The following LMNTD1 variants were observed in gnomAD, a reference collection of about 807,000 sequenced individuals.
LMNTD1 encodes the protein lamin tail domain-containing protein 1.
Under a neutral mutation model 50.9 loss-of-function variants are expected in LMNTD1, and 35 were observed. The observed-to-expected ratio is 0.69, with a 90% confidence interval of 0.53 to 0.91. The LOEUF (loss-of-function observed/expected upper bound fraction) is 0.91. Ranked by LOEUF, LMNTD1 falls within the 40% of genes least tolerant of loss-of-function variation. LMNTD1 has a pLI of 0.00. For synonymous variants in LMNTD1, 153 were observed against 161.9 expected (o/e 0.94, Z 0.42); for missense variants, 470 against 475.5 (o/e 0.99, Z 0.11).
At chr12:25,621,140 A>G (rs1946465655) in intron 1 of LMNTD1, among the ~76,000 whole-genome samples, 1 of 152,252 alleles carries the variant, frequency 6.6e-6, no homozygotes, top group African/African-American at 2.4e-5. Flanking sequence ...CCAAGGGCCT[A>G]GAACAGTGCC....
At chr12:25,505,394 A>G (rs1049885587) in intron 8 of LMNTD1, among the ~76,000 whole-genome samples, 3 of 152,176 alleles carry the variant, frequency 2.0e-5, no homozygotes, top group African/African-American at 7.2e-5. Flanking sequence ...TCTGGTCATA[A>G]TGTTACCTAA....
chr12:25,494,714 AATAGT>A (rs1042317564), intron 9 of LMNTD1, among the ~76,000 whole-genome samples: 3 of 152,194 alleles, frequency 2.0e-5, no homozygotes, highest in Non-Finnish European at 4.4e-5. Flanking sequence ...GAAAAATAAA[AATAGT>A]AAATATTTAC....
At chr12:25,544,361 T>C (rs1392943544) in intron 4 of LMNTD1, among the ~76,000 whole-genome samples, 1 of 57,334 alleles carries the variant, frequency 1.7e-5, no homozygotes, top group Non-Finnish European at 5.2e-5. Flanking sequence ...TTGTAGTCTA[T>C]TTTATCTAAG....
intron 1 of LMNTD1, among the ~76,000 whole-genome samples, chr12:25,584,265 C>T (rs1945432549): frequency 1.3e-5 from 2 of 152,074 alleles, no homozygotes; most frequent in South Asian, 4.2e-4. Flanking sequence ...TCACTTAAAG[C>T]ACAATTGAAA....
rs139353635 is a variant in LMNTD1, at chr12:25,642,283, C to T, written c.58+6211G>A. Among the ~76,000 whole-genome samples, 624 of 152,218 alleles carry T rather than the reference C, an allele frequency of 4.1e-3. 1 individual carries two copies. Among genetic ancestry groups the T allele is most frequent in the African/African-American group, 0.014 (579 of 41,528 alleles). On this transcript the variant is annotated intron_variant, in intron 1 of 7. Transcript: ENST00000445693. Reference sequence around the variant, plus strand: ...TGAGGGTATCTGAAGGTGGAACCTTCGGAGGGTAATTAGGTTTAAATAAGG... The same window carrying T: ...TGAGGGTATCTGAAGGTGGAACCTTTGGAGGGTAATTAGGTTTAAATAAGG...
chr12:25,546,482 AG>A lies in LMNTD1; in HGVS notation c.382del (p.Leu128PhefsTer21). The A allele has an allele frequency of 1.2e-6, 2 of 1,602,192 alleles. No individual in the cohort carries two copies. The highest frequency in any genetic ancestry group is 1.7e-6 in the Non-Finnish European group (2 of 1,172,924). On this transcript the variant is annotated frameshift_variant, in exon 4 of 10. Coordinates refer to ENST00000458174, the MANE Select transcript of LMNTD1 (RefSeq NM_001145728.2). LOFTEE classifies it high-confidence loss of function. Reference sequence around the variant, plus strand: ...TTTCTTTGAATCACCAAACAAAGAAAGGAAATAATCTTCTCCATCCCCAATC... The same window carrying A: ...TTTCTTTGAATCACCAAACAAAGAAAGAAATAATCTTCTCCATCCCCAATC... ...PMIGDGEDYFLSLFGDSKKLT... is the reference protein window; with the variant it reads ...PMIGDGEDYFXSLFGDSKKLT...
chr12:25,590,749 A>G (rs1444828962), intron 1 of LMNTD1, among the ~76,000 whole-genome samples: 1 of 152,160 alleles, frequency 6.6e-6, no homozygotes, highest in Non-Finnish European at 1.5e-5. Context: ...TCAGCCCACA[A>G]CAGGATAGAG....
intron 1 of LMNTD1, among the ~76,000 whole-genome samples, chr12:25,583,202 TA>T (rs1219769718): frequency 6.7e-6 from 1 of 148,890 alleles, no homozygotes; most frequent in Non-Finnish European, 1.5e-5. Flanking sequence ...TTTTTTTTTG[TA>T]TTTTTAGTAG....
At chr12:25,489,517 G>A (rs1198688058) in intron 9 of LMNTD1, among the ~76,000 whole-genome samples, 1 of 138,582 alleles carries the variant, frequency 7.2e-6, no homozygotes, top group Non-Finnish European at 1.6e-5. Flanking sequence ...GCTGACCTGC[G>A]CCCACTGTCT....
intron 1 of LMNTD1, among the ~76,000 whole-genome samples, chr12:25,598,213 A>T (rs893206461): frequency 2.0e-5 from 3 of 152,270 alleles, no homozygotes; most frequent in Non-Finnish European, 4.4e-5. Flanking sequence ...CAGCATGAGA[A>T]CAGAATAATA....
chr12:25,556,529 A>G (rs1944050192), upstream of LMNTD1, among the ~76,000 whole-genome samples: 1 of 152,150 alleles, frequency 6.6e-6, no homozygotes, highest in African/African-American at 2.4e-5. Context: ...TTCCTGAACC[A>G]GCTTCATCCT....
intron 1 of LMNTD1, among the ~76,000 whole-genome samples, chr12:25,577,187 T>C (rs1484079138): frequency 6.6e-6 from 1 of 152,316 alleles, no homozygotes; most frequent in East Asian, 1.9e-4. Flanking sequence ...TCTTTATTGG[T>C]TCCATATGAA....
intron 3 of LMNTD1, 94 bp downstream of exon 3, chr12:25,549,232 T>C (rs1442921611): frequency 1.4e-5 from 9 of 659,420 alleles, no homozygotes; most frequent in African/African-American, 1.1e-4. Flanking sequence ...GGAGTAATAA[T>C]AAAACATCAT....
chr12:25,483,665 A>G (rs6487490), intron 9 of LMNTD1, among the ~76,000 whole-genome samples: 28,372 of 151,574 alleles, frequency 0.19, 2,986 homozygotes, highest in Middle Eastern at 0.24. Flanking sequence ...CCAGCTACTC[A>G]AGAGGCTGAG....
intron 8 of LMNTD1, among the ~76,000 whole-genome samples, chr12:25,512,165 C>T (rs1214037099): frequency 6.6e-6 from 1 of 152,160 alleles, no homozygotes; most frequent in Admixed American, 6.5e-5. Flanking sequence ...TCAGTATTGT[C>T]TTTTGCAACA....
At chr12:25,571,327 T>C (rs897536522) in intron 1 of LMNTD1, among the ~76,000 whole-genome samples, 19 of 149,574 alleles carry the variant, frequency 1.3e-4, no homozygotes, top group Non-Finnish European at 4.4e-5. Context: ...ATTTCTTTTT[T>C]CAAAAAAGTA....
chr12:25,482,357 T>A (rs927487788), intron 9 of LMNTD1, among the ~76,000 whole-genome samples: 1 of 152,018 alleles, frequency 6.6e-6, no homozygotes, highest in Non-Finnish European at 1.5e-5. Context: ...TTTATAGTTG[T>A]CAGAGACAGT....
intron 1 of LMNTD1, among the ~76,000 whole-genome samples, chr12:25,643,477 T>G (rs1332403804): frequency 1.3e-5 from 2 of 152,192 alleles, no homozygotes; most frequent in African/African-American, 4.8e-5. Flanking sequence ...GAATATAGGA[T>G]AAACAAGGAA....
intron 8 of LMNTD1, among the ~76,000 whole-genome samples, chr12:25,504,198 C>T (rs1939571963): frequency 6.6e-6 from 1 of 152,110 alleles, no homozygotes; most frequent in African/African-American, 2.4e-5. Context: ...CAAATGCTTT[C>T]TATATGTAGA....
Sources: gnomAD v4.1 joint callset for allele counts (sites outside exome capture counted in the v4.1 genomes callset) on GRCh38, gnomAD v4.1.1 for gene constraint, MANE v1.5 for transcripts, NCBI Gene and HGNC (gene_info 2026-07-23, HGNC 2026-07-21) for gene names.